VWA5B1: variants seen among roughly 807,000 people sequenced by gnomAD.
The protein encoded by VWA5B1 is von Willebrand factor A domain-containing protein 5B1.
A neutral mutation model predicts 118.2 loss-of-function variants in VWA5B1; 115 were observed. The ratio of observed to expected loss-of-function variants is 0.97; its 90% CI spans 0.84 to 1.14. The LOEUF (loss-of-function observed/expected upper bound fraction) is 1.14. Ranked by LOEUF, VWA5B1 falls within the 50% of genes most tolerant of loss-of-function variation. VWA5B1 has a pLI of 0.00. For synonymous variants in VWA5B1, 682 were observed against 658.4 expected, an observed-to-expected ratio of 1.04 and a Z score of -0.55; for missense variants, 1,596 against 1,603.8, an observed-to-expected ratio of 1.00 and a Z score of 0.08.
intron 9 of VWA5B1, among the ~76,000 whole-genome samples, chr1:20,329,287 C>CTTTTTT (rs10578067): frequency 1.5e-4 from 13 of 89,208 alleles, no homozygotes; most frequent in Non-Finnish European, 1.6e-4. Flanking sequence ...TTTCTTTTCC[C>CTTTTTT]TTTTTTTTTT....
At chr1:20,335,726 C>A (rs1167517013) in intron 12 of VWA5B1, among the ~76,000 whole-genome samples, 1 of 152,130 alleles carries the variant, frequency 6.6e-6, no homozygotes, top group African/African-American at 2.4e-5. Flanking sequence ...ATTTACTATT[C>A]ATTAAGTGGA....
rs1259783011 is a variant in VWA5B1 at position 20,358,908 on chromosome 1, G to T, written c.*4645G>T. On this transcript the variant is annotated 3_prime_UTR_variant, in exon 22 of 22. Coordinates refer to ENST00000289815, the MANE Select transcript of VWA5B1 (RefSeq NM_001039500.3). ...CCGCAGAGATCTGTCCAAGGTCAGG[G>T]GCTTGGCAGCAGCTCCTGGCCACGC... 6.6e-6 allele frequency among the ~76,000 whole-genome samples: 1 copy of T among 152,158 alleles called. No homozygotes were observed. The highest frequency in any genetic ancestry group is 1.9e-4 in the East Asian group (1 of 5,182).
At chr1:20,318,484 C>A in intron 5 of VWA5B1, 106 bp from the exon 6 acceptor site, 2 of 1,493,664 alleles carry the variant, frequency 1.3e-6, no homozygotes, top group Non-Finnish European at 1.8e-6. Flanking sequence ...CCTAACGGGG[C>A]TGGCATGTCA....
intron 1 of VWA5B1, chr1:20,303,078 C>G (rs959080215): frequency 7.2e-5 from 11 of 152,166 alleles, no homozygotes; most frequent in African/African-American, 2.7e-4. Flanking sequence ...CCGACTTGGC[C>G]CCACTTTGAT....
At chr1:20,335,640 T>C (rs1030732508) in intron 12 of VWA5B1, among the ~76,000 whole-genome samples, 3 of 152,254 alleles carry the variant, frequency 2.0e-5, no homozygotes, top group African/African-American at 7.2e-5. Context: ...ATATGTATTA[T>C]GTGCTGTATT....
At chr1:20,333,069 C>T in intron 12 of VWA5B1, 118 bp downstream of exon 12, 1 of 1,270,528 alleles carries the variant, frequency 7.9e-7, no homozygotes, top group East Asian at 2.6e-5. Flanking sequence ...GGGTTTGCAG[C>T]TGTGGGTTTA....
At chr1:20,293,182 C>G (rs1312549738) in intron 1 of VWA5B1, among the ~76,000 whole-genome samples, 1 of 152,218 alleles carries the variant, frequency 6.6e-6, no homozygotes, top group Admixed American at 6.5e-5. Context: ...TCCCTGTGGC[C>G]CCTACTCACC....
At chr1:20,330,098 A>G in intron 9 of VWA5B1, 82 bp from the exon 10 acceptor site, 2 of 1,467,046 alleles carry the variant, frequency 1.4e-6, no homozygotes, top group African/African-American at 1.4e-5. Context: ...AAGAAGATCT[A>G]GGGAAACAAA....
intron 16 of VWA5B1, 110 bp from the exon 17 acceptor site, chr1:20,345,346 T>A: frequency 7.0e-7 from 1 of 1,432,028 alleles, no homozygotes; most frequent in Non-Finnish European, 9.4e-7. Flanking sequence ...GCTTCTTTAA[T>A]CCCAAAGATG....
chr1:20,354,001 C>A lies in VWA5B1; in HGVS notation c.3386C>A (p.Pro1129Gln). The A allele has an allele frequency of 6.4e-7, 1 of 1,551,692 alleles. No individual in the cohort carries two copies. Among genetic ancestry groups the A allele is most frequent in the Non-Finnish European group, 8.7e-7 (1 of 1,147,004 alleles). Residue 1129 changes from proline to glutamine, a missense_variant, in exon 22 of 22, where the codon CCG becomes CAG. Coordinates refer to ENST00000289815, the MANE Select transcript of VWA5B1 (RefSeq NM_001039500.3). ...GCCAAGGGCAAGCTGGGCCTGGAGC[C>A]GAGGGCAGTGGTGGAGCACACTGGG... ...PLAKGKLGLEPRAVVEHTGKL... is the reference protein window; with the variant it reads ...PLAKGKLGLEQRAVVEHTGKL...
intron 1 of VWA5B1, among the ~76,000 whole-genome samples, chr1:20,296,409 A>C (rs1016527012): frequency 6.6e-6 from 1 of 152,206 alleles, no homozygotes; most frequent in African/African-American, 2.4e-5. Flanking sequence ...AGGCCAATAA[A>C]AGAGGACATT....
rs1320988660 is a variant in VWA5B1 at position 20,354,476 on chromosome 1, G to A, written c.*213G>A. The A allele has an allele frequency of 3.3e-6, 2 of 605,396 alleles. No individual in the cohort carries two copies. Among genetic ancestry groups the A allele is most frequent in the Non-Finnish European group, 5.7e-6 (2 of 352,692 alleles). 37.5% of individuals were successfully genotyped at this position (605,396 alleles called of 1,614,324 possible). On this transcript the variant is annotated 3_prime_UTR_variant, in exon 22 of 22. Transcript: ENST00000289815. ...TAGGCCAGTGCCTGCCCCCGTCTGG[G>A]CCTCAGTTTCCTCATCTATAAAATA...
chr1:20,323,148 C>T, intron 7 of VWA5B1: 1 of 399,302 alleles, frequency 2.5e-6, no homozygotes, highest in Non-Finnish European at 4.3e-6. Flanking sequence ...GATTCAAACC[C>T]AAGTCTTTCT....
intron 3 of VWA5B1, 78 bp from the exon 4 acceptor site, chr1:20,314,244 C>T: frequency 2.1e-6 from 3 of 1,451,458 alleles, no homozygotes; most frequent in Non-Finnish European, 2.8e-6. Flanking sequence ...ATGGGCCACT[C>T]ACACTTACCA....
chr1:20,291,351 T>TCTCTCTC (rs1557821867), intron 1 of VWA5B1, among the ~76,000 whole-genome samples: 1 of 103,024 alleles, frequency 9.7e-6, no homozygotes, highest in African/African-American at 5.5e-5. Context: ...CTTTCTTTCT[T>TCTCTCTC]TCTTTCTTTC....
rs1261343508 is a variant in VWA5B1 at position 20,355,343 on chromosome 1, C to G, written c.*1080C>G. Among the ~76,000 whole-genome samples the G allele has an allele frequency of 2.6e-5, 4 of 152,154 alleles. No homozygotes were observed. Among genetic ancestry groups the G allele is most frequent in the Non-Finnish European group, 5.9e-5 (4 of 68,024 alleles). ...CTGGATCCCCTAGGGGCTTCCTGCCCTCAAGCCCACTGTGTGATGCCTACA... is the reference window on the plus strand; with the variant it reads ...CTGGATCCCCTAGGGGCTTCCTGCCGTCAAGCCCACTGTGTGATGCCTACA... On this transcript the variant is annotated 3_prime_UTR_variant, in exon 22 of 22. Coordinates refer to ENST00000289815, the MANE Select transcript of VWA5B1 (RefSeq NM_001039500.3).
At chr1:20,291,186 G>GTGTGTGTGTA in intron 1 of VWA5B1, 98 bp downstream of exon 1, 1 of 155,778 alleles carries the variant, frequency 6.4e-6, no homozygotes. Flanking sequence ...GTATGTGTGT[G>GTGTGTGTGTA]TGTGTGTGTG....
chr1:20,350,815 G>A (rs1028859825), intron 19 of VWA5B1, 42 bp from the exon 20 acceptor site: 1 of 1,542,524 alleles, frequency 6.5e-7, no homozygotes, highest in African/African-American at 1.4e-5. Flanking sequence ...GTTGGACGGG[G>A]TCATCTTCAG....
intron 1 of VWA5B1, among the ~76,000 whole-genome samples, chr1:20,300,237 G>C (rs1021599418): frequency 5.9e-5 from 9 of 152,192 alleles, no homozygotes; most frequent in African/African-American, 1.9e-4. Flanking sequence ...TCACCTCTGA[G>C]AAGAGACTAA....
Sources: allele counts gnomAD v4.1 joint callset (sites outside exome capture counted in the v4.1 genomes callset), GRCh38; gene constraint gnomAD v4.1.1; transcripts MANE v1.5; gene names NCBI Gene and HGNC (gene_info 2026-07-23, HGNC 2026-07-21).